AMD1: variants seen among roughly 807,000 people sequenced by gnomAD.
AMD1 encodes S-adenosylmethionine decarboxylase proenzyme.
In AMD1, 11 loss-of-function variants were observed where a neutral mutation model predicts 40.2. The observed-to-expected ratio is 0.27, with a 90% CI of 0.17 to 0.45. The LOEUF (loss-of-function observed/expected upper bound fraction) is 0.45, where lower values mean the gene tolerates loss of function less well. Among genes scored for constraint, AMD1 ranks in the 20% least tolerant of loss-of-function variants. The pLI is 1.00. For missense variants in AMD1, 257 were observed against 410.2 expected, an observed-to-expected ratio of 0.63 and a Z score of 3.23; for synonymous variants, 121 against 130.8, an observed-to-expected ratio of 0.93 and a Z score of 0.51.
the AMD1 span, chr6:110,858,406 C>A: frequency 1.1e-6 from 1 of 870,934 alleles, no homozygotes; most frequent in Non-Finnish European, 2.0e-6. Context: ...GCCTGAAGGA[C>A]GGGATTAGTT....
chr6:110,858,207 C>A, the AMD1 span: 1 of 738,518 alleles, frequency 1.4e-6, no homozygotes, highest in South Asian at 1.5e-5. Flanking sequence ...TCTGTTTCGT[C>A]CCATCCCATC....
chr6:110,839,884 A>G, the AMD1 span, among the ~76,000 whole-genome samples: 1 of 152,166 alleles, frequency 6.6e-6, no homozygotes, highest in Non-Finnish European at 1.5e-5. Context: ...CTTAGCCAAC[A>G]TGGCTGGGAA....
chr6:110,846,204 A>G, the AMD1 span, among the ~76,000 whole-genome samples: 5 of 152,122 alleles, frequency 3.3e-5, no homozygotes, highest in Non-Finnish European at 7.3e-5. Flanking sequence ...GCGCCACTGC[A>G]CTCCAGCCTG....
rs1348279155 is a variant in AMD1 at position 110,878,594 on chromosome 6, A to AT, written c.110+3384dup. Among the ~76,000 whole-genome samples, 16 of 152,254 alleles carry AT rather than the reference A, an allele frequency of 1.1e-4. No homozygotes were observed. The South Asian group carries it at 3.3e-3, about 32-fold the overall frequency. ...TAGGGGTAACCTGCAGTTTTCTCTG[A>AT]TTTTTCAGATTTTACGGATGTTGAA... On this transcript the variant is annotated intron_variant, in intron 1 of 8. Transcript: ENST00000368885.
At chr6:110,814,941 C>T in the AMD1 span, 3 of 1,591,012 alleles carry the variant, frequency 1.9e-6, no homozygotes, top group Non-Finnish European at 2.6e-6. Context: ...ATCCGACCCA[C>T]CCATCCCGCC....
chr6:110,852,489 G>A, the AMD1 span, among the ~76,000 whole-genome samples: 1 of 151,832 alleles, frequency 6.6e-6, no homozygotes, highest in African/African-American at 2.4e-5. Flanking sequence ...TAAAGTGCTG[G>A]GATTACAGGC....
rs554611340 is a variant in AMD1 at position 110,886,330 on chromosome 6, AC to A, written c.111-1174del. 2.4e-4 allele frequency among the ~76,000 whole-genome samples: 36 copies of A among 152,028 alleles called. No homozygotes were observed. The South Asian group carries it at 5.0e-3, about 21-fold the overall frequency. On this transcript the variant is annotated intron_variant, in intron 1 of 8. Transcript: ENST00000368885. ...TTCTTTTTTTAAAGACCAGGGTATT[AC>A]TCTATCGCCCAGCCTGGTCTCAAAC... is the stretch of plus-strand genomic sequence containing the variant.
chr6:110,883,025 G>A (rs565464818), intron 1 of AMD1, among the ~76,000 whole-genome samples: 61 of 152,188 alleles, frequency 4.0e-4, no homozygotes, highest in Non-Finnish European at 7.1e-4. Context: ...TTGGGAGGCT[G>A]AGGTGGGAGG....
chr6:110,848,010 G>A, the AMD1 span, among the ~76,000 whole-genome samples: 3 of 151,456 alleles, frequency 2.0e-5, no homozygotes, highest in African/African-American at 4.8e-5. Flanking sequence ...CACCGCACCC[G>A]GCCAGCAAAT....
At chr6:110,838,764 C>T in the AMD1 span, among the ~76,000 whole-genome samples, 4 of 152,106 alleles carry the variant, frequency 2.6e-5, no homozygotes, top group Non-Finnish European at 5.9e-5. Flanking sequence ...GAGGCTGAGG[C>T]AGGAGAATCG....
the AMD1 span, among the ~76,000 whole-genome samples, chr6:110,839,717 C>A: frequency 6.6e-6 from 1 of 152,056 alleles, no homozygotes; most frequent in Non-Finnish European, 1.5e-5. Flanking sequence ...GAAGTTTATT[C>A]CTTGTATCTA....
chr6:110,864,625 G>A, the AMD1 span, among the ~76,000 whole-genome samples: 2 of 152,170 alleles, frequency 1.3e-5, no homozygotes, highest in African/African-American at 4.8e-5. Flanking sequence ...ATAGTGATTG[G>A]TGGAACCCCA....
the AMD1 span, among the ~76,000 whole-genome samples, chr6:110,837,082 A>T: frequency 2.0e-5 from 3 of 147,382 alleles, no homozygotes; most frequent in Admixed American, 6.9e-5. Flanking sequence ...GCCTGAGCCC[A>T]GGAGTTTGAT....
chr6:110,892,645 C>T, intron 6 of AMD1, 90 bp from the exon 7 acceptor site: 5 of 1,489,714 alleles, frequency 3.4e-6, no homozygotes, highest in South Asian at 1.2e-5. Context: ...TCCTGGTCCT[C>T]TCCCTTCTCC....
chr6:110,858,198 C>A, the AMD1 span: 1 of 698,812 alleles, frequency 1.4e-6, no homozygotes, highest in Non-Finnish European at 2.6e-6. Flanking sequence ...GCCAGGCCGT[C>A]TGTTTCGTCC....
At chr6:110,839,019 A>G in the AMD1 span, among the ~76,000 whole-genome samples, 2 of 152,146 alleles carry the variant, frequency 1.3e-5, no homozygotes, top group African/African-American at 4.8e-5. Context: ...CACGAGCCTC[A>G]GCCTCCCAAA....
rs1462846311 is a variant in AMD1 at position 110,893,432 on chromosome 6, C to A, written c.865-44C>A. 1.9e-6 allele frequency: 3 copies of A among 1,606,708 alleles called. No homozygotes were observed. The South Asian group carries it at 3.3e-5, about 18-fold the overall frequency. The stretch of plus-strand genomic sequence containing the variant: ...TTAACTGTTTTGGTTGAAAATACTT[C>A]TCTGGATTGCAAACACTAACGGTTA... On this transcript the variant is annotated intron_variant, in intron 8 of 8. Transcript: ENST00000368885.
chr6:110,853,131 CT>C, the AMD1 span, among the ~76,000 whole-genome samples: 2 of 147,580 alleles, frequency 1.4e-5, no homozygotes, highest in African/African-American at 2.5e-5. Flanking sequence ...TTCTTTTTTT[CT>C]TTTTTTTTGA....
the AMD1 span, among the ~76,000 whole-genome samples, chr6:110,863,254 G>A: frequency 6.7e-6 from 1 of 148,408 alleles, no homozygotes; most frequent in Non-Finnish European, 1.5e-5. Flanking sequence ...CCCCAAGTTC[G>A]TTTTTTTAAG....
Sources: gnomAD v4.1 joint callset for allele counts (sites outside exome capture counted in the v4.1 genomes callset) on GRCh38, gnomAD v4.1.1 for gene constraint, MANE v1.5 for transcripts, NCBI Gene and HGNC (gene_info 2026-07-23, HGNC 2026-07-21) for gene names.